RBFOX2: variants seen among roughly 807,000 people sequenced by gnomAD.
RBFOX2 encodes the protein RNA binding fox-1 homolog 2, also known as RNA binding protein fox-1 homolog 2.
In RBFOX2, 10 loss-of-function variants were observed where a neutral mutation model predicts 49.1. The ratio of observed to expected loss-of-function variants is 0.20; its 90% CI spans 0.13 to 0.35. The LOEUF is 0.35. Among genes scored for constraint, RBFOX2 ranks in the 10% least tolerant of loss-of-function variants. The pLI, the probability that RBFOX2 is intolerant of heterozygous loss-of-function variation, is 1.00. For synonymous variants in RBFOX2, 183 were observed against 187.4 expected (o/e 0.98, Z 0.19); for missense variants, 323 against 486.9 (o/e 0.66, Z 3.17).
At chr22:36,017,652 G>A (rs1035697678) in intron 1 of RBFOX2, among the ~76,000 whole-genome samples, 1 of 152,170 alleles carries the variant, frequency 6.6e-6, no homozygotes, top group East Asian at 1.9e-4. Flanking sequence ...TAATACATGC[G>A]AACTGCTACA....
At chr22:35,894,605 A>G (rs1045696925) in intron 1 of RBFOX2, among the ~76,000 whole-genome samples, 1 of 152,134 alleles carries the variant, frequency 6.6e-6, no homozygotes, top group African/African-American at 2.4e-5. Context: ...CCTTGCGCCT[A>G]AGTCTGACAA....
At chr22:35,778,842 G>A (rs1944509452) in intron 3 of RBFOX2, among the ~76,000 whole-genome samples, 1 of 152,052 alleles carries the variant, frequency 6.6e-6, no homozygotes, top group African/African-American at 2.4e-5. Flanking sequence ...TCACCGTGTT[G>A]GCCAGGCTGG....
At chr22:35,963,606 G>A (rs907164826), upstream of RBFOX2, among the ~76,000 whole-genome samples, 1 of 152,166 alleles carries the variant, frequency 6.6e-6, no homozygotes, top group African/African-American at 2.4e-5. Flanking sequence ...TAAGTGGAAA[G>A]TTGCAAAACA....
At chr22:35,979,502 C>G (rs1425346450) in intron 1 of RBFOX2, among the ~76,000 whole-genome samples, 2 of 152,048 alleles carry the variant, frequency 1.3e-5, no homozygotes, top group Non-Finnish European at 1.5e-5. Context: ...GCAGCTTGCT[C>G]TCAAAAAAAG....
intron 1 of RBFOX2, among the ~76,000 whole-genome samples, chr22:35,870,815 C>A (rs1303384629): frequency 1.3e-5 from 2 of 152,104 alleles, no homozygotes; most frequent in African/African-American, 4.8e-5. Flanking sequence ...TAAAAAATGT[C>A]ATTTGGTCCA....
intron 2 of RBFOX2, among the ~76,000 whole-genome samples, chr22:35,788,877 A>G (rs956040136): frequency 3.9e-5 from 6 of 152,160 alleles, no homozygotes; most frequent in South Asian, 4.1e-4. Flanking sequence ...TTATCGGGTG[A>G]TGATTCTCAC....
intron 1 of RBFOX2, among the ~76,000 whole-genome samples, chr22:35,831,200 T>C (rs1044567647): frequency 6.6e-6 from 1 of 152,128 alleles, no homozygotes; most frequent in African/African-American, 2.4e-5. Context: ...TCCCAGCACT[T>C]TGGGAGGCCG....
In RBFOX2 at chr22:35,997,868, G is replaced by A. The variant is rs1231727079; in HGVS notation, c.186+30372C>T. The A allele has an allele frequency of 2.0e-5, 3 of 152,202 alleles. No homozygotes were observed. In the East Asian group the frequency reaches 5.8e-4, roughly 29 times the overall value. 9.4% of individuals were successfully genotyped at this position (152,202 alleles called of 1,614,324 possible). ...ATAAATAAAAAATTACCCAGACATG[G>A]TGGCACACCTGTAGTCCCAGCCACT... On this transcript the variant is annotated intron_variant, in intron 1 of 13. Transcript: ENST00000438146.
intron 2 of RBFOX2, among the ~76,000 whole-genome samples, chr22:35,783,215 G>A (rs746439571): frequency 5.3e-5 from 8 of 152,106 alleles, no homozygotes; most frequent in Non-Finnish European, 1.2e-4. Flanking sequence ...ATGTTCCCAT[G>A]TTACACAGGA....
chr22:36,002,939 T>C (rs988379483), intron 1 of RBFOX2, among the ~76,000 whole-genome samples: 8 of 152,236 alleles, frequency 5.3e-5, no homozygotes, highest in Non-Finnish European at 1.2e-4. Flanking sequence ...ACTCTTCCAG[T>C]TCTAAGCAGC....
At chr22:35,942,430 C>T (rs982698477), upstream of RBFOX2, among the ~76,000 whole-genome samples, 1 of 151,722 alleles carries the variant, frequency 6.6e-6, no homozygotes, top group African/African-American at 2.4e-5. Flanking sequence ...GAAGCATGTG[C>T]GAAGATTTTC....
chr22:35,881,611 T>G (rs2045912054), intron 1 of RBFOX2, among the ~76,000 whole-genome samples: 1 of 149,528 alleles, frequency 6.7e-6, no homozygotes, highest in Admixed American at 6.7e-5. Flanking sequence ...AAATTTTTTT[T>G]TAATGTCTAA....
intron 1 of RBFOX2, among the ~76,000 whole-genome samples, chr22:35,825,922 C>T (rs1013033811): frequency 1.5e-5 from 2 of 136,930 alleles, no homozygotes; most frequent in Non-Finnish European, 3.0e-5. Context: ...GTGGAGGTTG[C>T]AGTGAGCCAC....
chr22:36,000,169 T>G (rs2058357552), intron 1 of RBFOX2: 1 of 151,838 alleles, frequency 6.6e-6, no homozygotes, highest in Non-Finnish European at 1.5e-5. Context: ...CCTGGCTAAT[T>G]TTTGTATTTT....
intron 1 of RBFOX2, among the ~76,000 whole-genome samples, chr22:35,872,288 C>T (rs2044458645): frequency 6.6e-6 from 1 of 152,176 alleles, no homozygotes; most frequent in Admixed American, 6.5e-5. Flanking sequence ...GGGGCTCCGA[C>T]CCCATGACAG....
At chr22:35,912,401 C>T (rs2149520531) in intron 1 of RBFOX2, among the ~76,000 whole-genome samples, 1 of 152,334 alleles carries the variant, frequency 6.6e-6, no homozygotes, top group South Asian at 2.1e-4. Context: ...CAAGCAATAA[C>T]ATTTCCTCAC....
intron 1 of RBFOX2, among the ~76,000 whole-genome samples, chr22:36,002,210 A>C (rs950652839): frequency 2.6e-5 from 4 of 152,236 alleles, no homozygotes; most frequent in African/African-American, 9.6e-5. Flanking sequence ...ATACCTATGA[A>C]AAGTTAAAAT....
At chr22:35,849,306 C>A (rs537870980) in intron 1 of RBFOX2, among the ~76,000 whole-genome samples, 4 of 135,976 alleles carry the variant, frequency 2.9e-5, no homozygotes, top group African/African-American at 1.1e-4. Flanking sequence ...CAAACACACA[C>A]ACACACACAC....
At chr22:35,840,454 G>A in exon 1 of RBFOX2, 4 of 1,417,272 alleles carry the variant, frequency 2.8e-6, no homozygotes, top group Non-Finnish European at 2.8e-6. Context: ...ATCTCAGGCA[G>A]ATGGCTGAAG....
Sources: gnomAD v4.1 joint callset for allele counts (sites outside exome capture counted in the v4.1 genomes callset) on GRCh38, gnomAD v4.1.1 for gene constraint, MANE v1.5 for transcripts, NCBI Gene and HGNC (gene_info 2026-07-23, HGNC 2026-07-21) for gene names.